Variants in MAML2 observed in about 807,000 individuals in gnomAD.
MAML2 encodes the protein mastermind like transcriptional coactivator 2.
MAML2 carries 22 observed loss-of-function variants against 96.1 expected under a neutral mutation model. The ratio of observed to expected loss-of-function variants is 0.23; its 90% CI spans 0.16 to 0.33. The LOEUF (loss-of-function observed/expected upper bound fraction) is 0.33. MAML2 is among the 10% of genes least tolerant of loss of function. The pLI, the probability that MAML2 is intolerant of heterozygous loss-of-function variation, is 1.00. For synonymous variants in MAML2, 561 were observed against 521.3 expected, an observed-to-expected ratio of 1.08 and a Z score of -1.04; for missense variants, 1,367 against 1,392.4, an observed-to-expected ratio of 0.98 and a Z score of 0.29.
rs1857682263 is a variant in MAML2 at position 95,978,509 on chromosome 11, G to T, written c.*439C>A. ...GGAAAATTAAATGAAAAGACACAATGGAAAGATTAAACCATACCTATCTAT... is the reference window on the plus strand; with the variant it reads ...GGAAAATTAAATGAAAAGACACAATTGAAAGATTAAACCATACCTATCTAT... On this transcript the variant is annotated 3_prime_UTR_variant, in exon 5 of 5. Transcript: ENST00000524717. 2 of 211,276 alleles carry T rather than the reference G, an allele frequency of 9.5e-6. No individual in the cohort carries two copies. The highest frequency in any genetic ancestry group is 1.2e-4 in the Admixed American group (2 of 17,184). The allele number at this position is 211,276 out of a possible 1,614,324, so 13.1% of individuals were successfully genotyped here. A position where few individuals can be genotyped will look rare whatever the true frequency, so the allele number is the denominator to read the frequency against.
At chr11:96,239,431 A>C (rs1483096106) in intron 1 of MAML2, among the ~76,000 whole-genome samples, 1 of 152,230 alleles carries the variant, frequency 6.6e-6, no homozygotes, top group East Asian at 1.9e-4. Context: ...TATTTTCGTC[A>C]ATTTCAGAGT....
intron 1 of MAML2, among the ~76,000 whole-genome samples, chr11:96,268,949 T>C (rs1223876912): frequency 6.9e-6 from 1 of 144,872 alleles, no homozygotes; most frequent in Non-Finnish European, 1.5e-5. Flanking sequence ...ATACAGTATA[T>C]ACATCAAGCA....
intron 1 of MAML2, among the ~76,000 whole-genome samples, chr11:96,270,910 T>C (rs1591106618): frequency 6.6e-6 from 1 of 152,258 alleles, no homozygotes; most frequent in Non-Finnish European, 1.5e-5. Context: ...GTAGGTACCA[T>C]CTAATCAGCT....
At chr11:96,175,478 T>C (rs1425930375) in intron 1 of MAML2, among the ~76,000 whole-genome samples, 1 of 152,236 alleles carries the variant, frequency 6.6e-6, no homozygotes, top group Non-Finnish European at 1.5e-5. Flanking sequence ...GACGTGGGTT[T>C]ACCACCATCT....
At chr11:96,057,711 A>C (rs1590986258) in intron 2 of MAML2, among the ~76,000 whole-genome samples, 1 of 152,252 alleles carries the variant, frequency 6.6e-6, no homozygotes, top group East Asian at 1.9e-4. Context: ...GGTGTTCCAC[A>C]AAAGTAAACT....
chr11:96,013,266 A>T (rs11021388), intron 2 of MAML2, among the ~76,000 whole-genome samples: 1 of 152,160 alleles, frequency 6.6e-6, no homozygotes, highest in Non-Finnish European at 1.5e-5. Flanking sequence ...AACCCTAAGC[A>T]TTCTTTGTAT....
chr11:96,004,291 CCA>C (rs1438769753), intron 2 of MAML2, among the ~76,000 whole-genome samples: 6 of 151,988 alleles, frequency 3.9e-5, no homozygotes, highest in Non-Finnish European at 5.9e-5. Context: ...GTAAATGATA[CCA>C]CAGTTCCAAA....
chr11:96,322,325 T>C (rs1356127467), intron 1 of MAML2, among the ~76,000 whole-genome samples: 1 of 152,128 alleles, frequency 6.6e-6, no homozygotes, highest in Non-Finnish European at 1.5e-5. Context: ...CAAAAAATTG[T>C]TGGACTGGGC....
Position 96,030,094 on chromosome 11 carries a change from G to A in MAML2, c.2140-38371C>T, listed in dbSNP as rs558620379. 1.2e-4 allele frequency among the ~76,000 whole-genome samples: 18 copies of A among 152,118 alleles called. No homozygotes were observed. The East Asian group carries it at 1.4e-3, about 11-fold the overall frequency. The stretch of plus-strand genomic sequence containing the variant: ...TAAAAATACAAAAAATTAGCCGGGC[G>A]TGGTAGCGGACACCTGTAATCCCTC... On this transcript the variant is annotated intron_variant, in intron 2 of 4. Coordinates refer to ENST00000524717, the MANE Select transcript of MAML2 (RefSeq NM_032427.4).
At chr11:96,152,707 A>G (rs1237027834) in intron 1 of MAML2, among the ~76,000 whole-genome samples, 2 of 152,212 alleles carry the variant, frequency 1.3e-5, no homozygotes, top group Non-Finnish European at 2.9e-5. Flanking sequence ...GAAACTTGCA[A>G]TGTTTCCAGG....
At chr11:96,237,956 A>G (rs1862387123) in intron 1 of MAML2, among the ~76,000 whole-genome samples, 1 of 152,260 alleles carries the variant, frequency 6.6e-6, no homozygotes, top group Non-Finnish European at 1.5e-5. Flanking sequence ...TAAAATTTGA[A>G]AAATTGCTCA....
At chr11:96,184,155 G>A (rs11021466) in intron 1 of MAML2, among the ~76,000 whole-genome samples, 101,240 of 152,076 alleles carry the variant, frequency 0.67, 34,372 homozygotes, top group Middle Eastern at 0.83. Flanking sequence ...AGAAAAAAAC[G>A]CATAAAGCTG....
chr11:96,160,845 C>G (rs990337147), intron 1 of MAML2, among the ~76,000 whole-genome samples: 1 of 146,526 alleles, frequency 6.8e-6, no homozygotes, highest in African/African-American at 2.5e-5. Flanking sequence ...ACAGTATGTC[C>G]TCTTGCAGTA....
intron 1 of MAML2, among the ~76,000 whole-genome samples, chr11:96,306,007 C>T (rs1863456451): frequency 6.6e-6 from 1 of 151,886 alleles, no homozygotes; most frequent in African/African-American, 2.4e-5. Context: ...AGAAACATAC[C>T]TTTCTTCTTG....
chr11:95,981,152 A>G (rs1857730124), intron 4 of MAML2, among the ~76,000 whole-genome samples: 1 of 152,188 alleles, frequency 6.6e-6, no homozygotes, highest in African/African-American at 2.4e-5. Flanking sequence ...TTTGCCGAAT[A>G]AATTCCATTT....
chr11:96,236,050 G>T (rs987601986), intron 1 of MAML2, among the ~76,000 whole-genome samples: 3 of 152,222 alleles, frequency 2.0e-5, no homozygotes, highest in East Asian at 3.8e-4. Flanking sequence ...CTGGGACCCT[G>T]AGGGAAATGA....
chr11:96,239,974 G>A (rs1001140939), intron 1 of MAML2, among the ~76,000 whole-genome samples: 2 of 152,260 alleles, frequency 1.3e-5, no homozygotes, highest in African/African-American at 4.8e-5. Context: ...AGATCATTGA[G>A]ATTAAGGGAA....
intron 1 of MAML2, among the ~76,000 whole-genome samples, chr11:96,327,687 T>C (rs1863803530): frequency 6.6e-6 from 1 of 151,904 alleles, no homozygotes; most frequent in Non-Finnish European, 1.5e-5. Context: ...CCAAAGTGTT[T>C]GGATTACAGG....
chr11:96,177,188 CATGGTGTTCTCA>C (rs1412368151), intron 1 of MAML2, among the ~76,000 whole-genome samples: 1 of 152,188 alleles, frequency 6.6e-6, no homozygotes, highest in Non-Finnish European at 1.5e-5. Flanking sequence ...CCCCAAACTG[CATGGTGTTCTCA>C]ATTACTTGAG....
Sources: allele counts gnomAD v4.1 joint callset (sites outside exome capture counted in the v4.1 genomes callset), GRCh38; gene constraint gnomAD v4.1.1; transcripts MANE v1.5; gene names NCBI Gene and HGNC (gene_info 2026-07-23, HGNC 2026-07-21).